The following OR10H1 variants were observed in gnomAD, a reference collection of about 807,000 sequenced individuals.
The protein encoded by OR10H1 is olfactory receptor family 10 subfamily H member 1.
A neutral mutation model predicts 13.1 loss-of-function variants in OR10H1; 12 were observed. The observed-to-expected ratio is 0.92, with a 90% CI of 0.59 to 1.48. OR10H1 has a LOEUF of 1.48. OR10H1 is among the 40% of genes most tolerant of loss of function. The pLI is 0.00. For missense variants in OR10H1, 363 were observed against 413.1 expected, an observed-to-expected ratio of 0.88 and a Z score of 1.05; for synonymous variants, 168 against 175.6, an observed-to-expected ratio of 0.96 and a Z score of 0.34.
In OR10H1 at chr19:15,807,290, C is replaced by A. The variant is rs767601771; in HGVS notation, c.748G>T (p.Val250Phe). 1.2e-6 allele frequency: 2 copies of A among 1,614,118 alleles called. No homozygotes were observed. Among genetic ancestry groups the A allele is most frequent in the South Asian group, 2.2e-5 (2 of 91,072 alleles). Residue 250 changes from valine (V) to phenylalanine (F), a missense_variant, in exon 4 of 4, where the codon GTC becomes TTC. This residue lies in a region of OR10H1 where 318 missense variants were observed against 366.6 expected (regional missense o/e 0.87). Transcript: ENST00000641419. ...ACGGAGGCAAAGCCATAGTGCACGACCACCACAGTGAGGTGAGAGGCACAG... is the reference window on the plus strand; with the variant it reads ...ACGGAGGCAAAGCCATAGTGCACGAACACCACAGTGAGGTGAGAGGCACAG... ...STCASHLTVV[V>F]VHYGFASVIY... is the part of the protein sequence containing the mutation.
rs138917285 is a variant in OR10H1, at chr19:15,807,996, G to C, written c.42C>G (p.Leu14=). 1.7e-5 allele frequency: 28 copies of C among 1,614,000 alleles called. No individual in the cohort carries two copies. Among genetic ancestry groups the C allele is most frequent in the Non-Finnish European group, 2.2e-5 (26 of 1,180,002 alleles). ...ANHSTVTQFI[L]VGFSVFPHLQ... ...GGTGGGGGAAGACAGAGAAGCCGAC[G>C]AGGATGAATTGGGTCACTGTGGAGT... Residue 14 remains leucine (L), a synonymous_variant, in exon 4 of 4, where the codon CTC becomes CTG. Coordinates refer to ENST00000641419, the MANE Select transcript of OR10H1 (RefSeq NM_013940.4).
At chr19:15,810,914 A>AAAAT (rs1177693415) in intron 2 of OR10H1, among the ~76,000 whole-genome samples, 5 of 151,590 alleles carry the variant, frequency 3.3e-5, no homozygotes, top group Non-Finnish European at 7.4e-5. Flanking sequence ...TAAAGAAAAG[A>AAAAT]AAATAAATAA....
chr19:15,807,015 C>T lies in OR10H1; in HGVS notation c.*66G>A. ...GTGCTGGGATTACAGGCATGAGTCA[C>T]CACGGAACGTAATTTTTAACAATAG... On this transcript the variant is annotated 3_prime_UTR_variant, in exon 4 of 4. Transcript: ENST00000641419. 1 of 1,465,366 alleles carries T rather than the reference C, an allele frequency of 6.8e-7. No homozygotes were observed. Among genetic ancestry groups the T allele is most frequent in the Non-Finnish European group, 9.4e-7 (1 of 1,066,528 alleles). 90.8% of individuals were successfully genotyped at this position (1,465,366 alleles called of 1,614,324 possible). A position where few individuals can be genotyped will look rare whatever the true frequency, so the allele number is the denominator to read the frequency against.
In OR10H1 at chr19:15,807,810, G is replaced by A. The variant is rs1182946670; in HGVS notation, c.228C>T (p.Ala76=). The A allele has an allele frequency of 2.5e-6, 4 of 1,606,410 alleles. No homozygotes were observed. Among genetic ancestry groups the A allele is most frequent in the African/African-American group, 1.3e-5 (1 of 74,750 alleles). The part of the protein sequence containing the change: ...LSVSEILYTV[A]IIPRMLADLL... The stretch of plus-strand genomic sequence containing the variant: ...GGTCGGCCAGCATGCGCGGGATGAT[G>A]GCCACGGTGTAGAGGATCTCGGAGA... The change falls in exon 4 of 4, where the codon GCC becomes GCT. Residue 76 remains alanine, a synonymous_variant. Coordinates refer to ENST00000641419, the MANE Select transcript of OR10H1 (RefSeq NM_013940.4).
chr19:15,811,093 T>C (rs1482951952), intron 2 of OR10H1, among the ~76,000 whole-genome samples: 1 of 152,064 alleles, frequency 6.6e-6, no homozygotes, highest in African/African-American at 2.4e-5. Flanking sequence ...GAGGCTGCAT[T>C]CTCCAAACAT....
Position 15,807,154 on chromosome 19 carries a change from T to C in OR10H1, c.884A>G (p.Asn295Ser). The change falls in exon 4 of 4, where the codon AAC becomes AGC. Residue 295 changes from asparagine to serine, a missense_variant. Coordinates refer to ENST00000641419, the MANE Select transcript of OR10H1 (RefSeq NM_013940.4). ...FLSPIIFSLR[N>S]KELKVAMKKT... ...CTTCATGGCGACCTTCAGCTCCTTG[T>C]TCCTGAGGCTGAAGATGATGGGGCT... The C allele has an allele frequency of 3.1e-6, 5 of 1,614,188 alleles. No homozygotes were observed. The highest frequency in any genetic ancestry group is 4.2e-6 in the Non-Finnish European group (5 of 1,180,034).
chr19:15,813,729 G>C (rs903726560), intron 1 of OR10H1, among the ~76,000 whole-genome samples: 1 of 149,134 alleles, frequency 6.7e-6, no homozygotes, highest in Non-Finnish European at 1.5e-5. Flanking sequence ...GGTGGGGAGA[G>C]AGAAGTGGGG....
rs76959893 is a variant in OR10H1 at position 15,811,181 on chromosome 19, C to A, written c.-129+1049G>T. 1.6e-3 allele frequency among the ~76,000 whole-genome samples: 241 copies of A among 152,198 alleles called. 4 individuals are homozygous for A. The highest frequency in any genetic ancestry group is 5.6e-3 in the African/African-American group (232 of 41,528). On this transcript the variant is annotated intron_variant, in intron 2 of 3. Transcript: ENST00000641419. Reference sequence around the variant, plus strand: ...CCCCACTTCTGGGTCAGTACTTGCCCGTAGCTCCACAGAATAGTGGCCCCC... The same window carrying A: ...CCCCACTTCTGGGTCAGTACTTGCCAGTAGCTCCACAGAATAGTGGCCCCC...
rs762660767 is a variant in OR10H1 at position 15,808,028 on chromosome 19, C to T, written c.10G>A (p.Ala4Thr). Residue 4 changes from alanine (A) to threonine (T), a missense_variant, in exon 4 of 4, where the codon GCC becomes ACC. Coordinates refer to ENST00000641419, the MANE Select transcript of OR10H1 (RefSeq NM_013940.4). ...AATTGGGTCACTGTGGAGTGATTGG[C>T]TCTCTGCATGGAGGCTGTGCCTGGG... The part of the protein sequence containing the change: MQR[A>T]NHSTVTQFIL... 3.1e-6 allele frequency: 5 copies of T among 1,611,198 alleles called. No individual in the cohort carries two copies. Among genetic ancestry groups the T allele is most frequent in the Middle Eastern group, 1.7e-4 (1 of 6,054 alleles).
chr19:15,807,216 C>G lies in OR10H1; in HGVS notation c.822G>C (p.Leu274Phe). ...KSPQSLEGDT[L>F]MGITYTVLTP... ...TGAGGACCGTGTAGGTGATGCCCAT[C>G]AAGGTGTCTCCTTCCAGAGACTGGG... The change falls in exon 4 of 4, where the codon TTG becomes TTC. Residue 274 changes from leucine (L) to phenylalanine (F), a missense_variant. By Grantham distance (22) the Leu-to-Phe change is conservative. Around this residue, in one of 3 missense-constraint regions of OR10H1, gnomAD observed 318 missense variants for 366.6 expected, o/e 0.87. Transcript: ENST00000641419. The G allele has an allele frequency of 6.2e-7, 1 of 1,614,058 alleles. No individual in the cohort carries two copies. The highest frequency in any genetic ancestry group is 1.3e-5 in the African/African-American group (1 of 74,990).
In OR10H1 at chr19:15,807,789, G is replaced by C; in HGVS notation, c.249C>G (p.Ala83=). ...YTVAIIPRML[A]DLLSTQRSIA... The stretch of plus-strand genomic sequence containing the variant: ...TGGAGCGCTGGGTGGACAGCAGGTC[G>C]GCCAGCATGCGCGGGATGATGGCCA... The change falls in exon 4 of 4, where the codon GCC becomes GCG. Residue 83 remains alanine, a synonymous_variant. Coordinates refer to ENST00000641419, the MANE Select transcript of OR10H1 (RefSeq NM_013940.4). The C allele has an allele frequency of 1.2e-6, 2 of 1,607,282 alleles. No individual in the cohort carries two copies. Among genetic ancestry groups the C allele is most frequent in the Non-Finnish European group, 1.7e-6 (2 of 1,174,888 alleles).
chr19:15,813,474 A>AAGAGAG (rs57320070), intron 1 of OR10H1, among the ~76,000 whole-genome samples: 5 of 138,976 alleles, frequency 3.6e-5, no homozygotes, highest in South Asian at 2.4e-4. Context: ...GAGGCAGGGG[A>AAGAGAG]AGAGAGAGAG....
At position 15,807,318 on chromosome 19, in the gene OR10H1, G is replaced by A. The variant is rs1311343908; in HGVS notation, c.720C>T (p.Ser240=). ...PSAEGRNKAF[S]TCASHLTVVV... is the part of the protein sequence containing the mutation. ...CCACAGTGAGGTGAGAGGCACAGGTGGAGAAGGCCTTGTTCCGACCTTCAG... is the reference window on the plus strand; with the variant it reads ...CCACAGTGAGGTGAGAGGCACAGGTAGAGAAGGCCTTGTTCCGACCTTCAG... The change falls in exon 4 of 4, where the codon TCC becomes TCT. Residue 240 remains serine (S), a synonymous_variant. Transcript: ENST00000641419. The A allele has an allele frequency of 6.2e-7, 1 of 1,613,886 alleles. No homozygotes were observed. The highest frequency in any genetic ancestry group is 8.5e-7 in the Non-Finnish European group (1 of 1,179,770).
At chr19:15,814,464 TG>T (rs2088952235) in intron 1 of OR10H1, among the ~76,000 whole-genome samples, 1 of 90,076 alleles carries the variant, frequency 1.1e-5, no homozygotes. Context: ...TGTGTGTGTG[TG>T]TGTGTGTGTG....
Position 15,807,778 on chromosome 19 carries a change from G to A in OR10H1, c.260C>T (p.Ser87Phe), listed in dbSNP as rs1388156724. 6.2e-7 allele frequency: 1 copy of A among 1,608,270 alleles called. No homozygotes were observed. Among genetic ancestry groups the A allele is most frequent in the Non-Finnish European group, 8.5e-7 (1 of 1,175,628 alleles). ...IIPRMLADLL[S>F]TQRSIAFLAC... Reference sequence around the variant, plus strand: ...CAGGAAGGCGATGGAGCGCTGGGTGGACAGCAGGTCGGCCAGCATGCGCGG... The same window carrying A: ...CAGGAAGGCGATGGAGCGCTGGGTGAACAGCAGGTCGGCCAGCATGCGCGG... Residue 87 changes from serine to phenylalanine, a missense_variant, in exon 4 of 4, where the codon TCC (serine) becomes TTC (phenylalanine). By Grantham distance (155) the Ser-to-Phe change is radical. Coordinates refer to ENST00000641419, the MANE Select transcript of OR10H1 (RefSeq NM_013940.4).
At position 15,807,668 on chromosome 19, in the gene OR10H1, C is replaced by T. The variant is rs143049130; in HGVS notation, c.370G>A (p.Val124Met). 201 of 1,614,056 alleles carry T rather than the reference C, an allele frequency of 1.2e-4. No individual in the cohort carries two copies. In the African/African-American group the frequency reaches 1.4e-3, roughly 11 times the overall value. The change falls in exon 4 of 4, where the codon GTG becomes ATG. Residue 124 changes from valine to methionine, a missense_variant. Coordinates refer to ENST00000641419, the MANE Select transcript of OR10H1 (RefSeq NM_013940.4). ...TAGCGCAGGGGGTGGCAGATGGCCA[C>T]GTAGCGGTCGTAGCCCATGACGGTG... ...LLTVMGYDRY[V>M]AICHPLRYNV... is the part of the protein sequence containing the mutation.
chr19:15,807,024 G>C lies in OR10H1; in HGVS notation c.*57C>G, dbSNP rs958968267. 15 of 1,512,738 alleles carry C rather than the reference G, an allele frequency of 9.9e-6. No individual in the cohort carries two copies. The highest frequency in any genetic ancestry group is 2.5e-5 in the South Asian group (2 of 81,500). 93.7% of individuals were successfully genotyped at this position (1,512,738 alleles called of 1,614,324 possible). The stretch of plus-strand genomic sequence containing the variant: ...TTACAGGCATGAGTCACCACGGAAC[G>C]TAATTTTTAACAATAGCCTTCGGTA... On this transcript the variant is annotated 3_prime_UTR_variant, in exon 4 of 4. Coordinates refer to ENST00000641419, the MANE Select transcript of OR10H1 (RefSeq NM_013940.4).
rs1599311004 is a variant in OR10H1, at chr19:15,807,176, G to A, written c.862C>T (p.Pro288Ser). 5 of 1,614,118 alleles carry A rather than the reference G, an allele frequency of 3.1e-6. No homozygotes were observed. In the East Asian group the frequency reaches 8.9e-5, roughly 29 times the overall value. Residue 288 changes from proline to serine, a missense_variant, in exon 4 of 4, where the codon CCC (proline) becomes TCC (serine). Pro to Ser is a moderately conservative substitution (Grantham distance 74, BLOSUM62 -1). Transcript: ENST00000641419. ...TTGTTCCTGAGGCTGAAGATGATGG[G>A]GCTGAGGAAGGGTGTGAGGACCGTG... ...TYTVLTPFLSPIIFSLRNKEL... is the reference protein window; with the variant it reads ...TYTVLTPFLSSIIFSLRNKEL...
Position 15,807,297 on chromosome 19 carries a change from A to G in OR10H1, c.741T>C (p.Thr247=), listed in dbSNP as rs531575437. ...CAAAGCCATAGTGCACGACCACCAC[A>G]GTGAGGTGAGAGGCACAGGTGGAGA... ...KAFSTCASHL[T]VVVVHYGFAS... Residue 247 remains threonine, a synonymous_variant, in exon 4 of 4, where the codon ACT becomes ACC. Transcript: ENST00000641419. 1 of 1,614,026 alleles carries G rather than the reference A, an allele frequency of 6.2e-7. No homozygotes were observed. Among genetic ancestry groups the G allele is most frequent in the East Asian group, 2.2e-5 (1 of 44,874 alleles).
Sources: allele counts gnomAD v4.1 joint callset (sites outside exome capture counted in the v4.1 genomes callset), GRCh38; gene constraint gnomAD v4.1.1; regional missense constraint gnomAD v4.1.1; transcripts MANE v1.5; gene names NCBI Gene and HGNC (gene_info 2026-07-23, HGNC 2026-07-21).